NPAS3: variants seen among roughly 807,000 people sequenced by gnomAD.
NPAS3 encodes the protein neuronal PAS domain-containing protein 3.
In NPAS3, 14 loss-of-function variants were observed where a neutral mutation model predicts 73.1. The ratio of observed to expected loss-of-function variants is 0.19; its 90% CI spans 0.13 to 0.30. The LOEUF (loss-of-function observed/expected upper bound fraction) is 0.30, where lower values mean the gene tolerates loss of function less well. NPAS3 is among the 10% of genes least tolerant of loss of function. The pLI, the probability that NPAS3 is intolerant of heterozygous loss-of-function variation, is 1.00. For missense variants in NPAS3, 1,096 were observed against 1,250.0 expected, an observed-to-expected ratio of 0.88 and a Z score of 1.86; for synonymous variants, 620 against 541.5, an observed-to-expected ratio of 1.14 and a Z score of -2.01.
intron 1 of NPAS3, among the ~76,000 whole-genome samples, chr14:32,978,927 C>T (rs951153111): frequency 1.1e-4 from 16 of 152,036 alleles, no homozygotes; most frequent in African/African-American, 2.9e-4. Flanking sequence ...TTTTTAGAGT[C>T]GAGAGGTCAG....
At chr14:33,588,947 A>G (rs990053480) in intron 5 of NPAS3, among the ~76,000 whole-genome samples, 2 of 152,162 alleles carry the variant, frequency 1.3e-5, no homozygotes, top group African/African-American at 4.8e-5. Context: ...TTAAGCTCAC[A>G]AGGTGAATCA....
intron 5 of NPAS3, among the ~76,000 whole-genome samples, chr14:33,624,254 A>G (rs144384984): frequency 2.7e-3 from 406 of 152,328 alleles, no homozygotes; most frequent in African/African-American, 9.4e-3. Context: ...CATGTGACAG[A>G]TACTAGGTGT....
intron 1 of NPAS3, among the ~76,000 whole-genome samples, chr14:32,966,537 A>C (rs577838473): frequency 1.3e-5 from 2 of 152,330 alleles, no homozygotes; most frequent in East Asian, 3.9e-4. Flanking sequence ...CTCACCACTT[A>C]CAAAAATTAA....
chr14:33,483,330 T>A (rs1260285057), intron 4 of NPAS3, among the ~76,000 whole-genome samples: 2 of 152,198 alleles, frequency 1.3e-5, no homozygotes, highest in Non-Finnish European at 2.9e-5. Flanking sequence ...GTTGGGCTGC[T>A]TGTCTCCACC....
chr14:33,382,589 G>GTT (rs2046603638), intron 4 of NPAS3, among the ~76,000 whole-genome samples: 1 of 152,084 alleles, frequency 6.6e-6, no homozygotes, highest in South Asian at 2.1e-4. Flanking sequence ...TTTATAGCTT[G>GTT]TTATATATAA....
At chr14:32,960,848 T>G (rs2036881306) in intron 1 of NPAS3, among the ~76,000 whole-genome samples, 1 of 152,202 alleles carries the variant, frequency 6.6e-6, no homozygotes, top group Non-Finnish European at 1.5e-5. Context: ...TATTCATTCA[T>G]AAGAACCCTG....
intron 4 of NPAS3, among the ~76,000 whole-genome samples, chr14:33,407,140 A>G (rs2047703034): frequency 1.3e-5 from 2 of 152,126 alleles, no homozygotes; most frequent in Admixed American, 6.6e-5. Flanking sequence ...TCAGTAGGTA[A>G]TGCATTTACA....
chr14:33,598,859 G>C (rs2057320901), intron 5 of NPAS3, among the ~76,000 whole-genome samples: 1 of 152,182 alleles, frequency 6.6e-6, no homozygotes, highest in Non-Finnish European at 1.5e-5. Flanking sequence ...TGCAGTGATA[G>C]CTAATGGATT....
At chr14:33,682,075 C>G (rs1329438821) in intron 6 of NPAS3, among the ~76,000 whole-genome samples, 2 of 147,788 alleles carry the variant, frequency 1.4e-5, no homozygotes, top group African/African-American at 2.4e-5. Context: ...TTCCATAGTC[C>G]CCAACTAATA....
At chr14:33,550,391 C>T (rs1000959338) in intron 4 of NPAS3, among the ~76,000 whole-genome samples, 14 of 152,174 alleles carry the variant, frequency 9.2e-5, no homozygotes, top group Admixed American at 9.2e-4. Context: ...TTGAAGGATG[C>T]CATCAAGAGC....
At position 33,584,909 on chromosome 14, in the gene NPAS3, A is replaced by C. The variant is rs145872171; in HGVS notation, c.558+24699A>C. Among the ~76,000 whole-genome samples, 724 of 152,252 alleles carry C rather than the reference A, an allele frequency of 4.8e-3. 6 individuals are homozygous for C. Among genetic ancestry groups the C allele is most frequent in the African/African-American group, 0.017 (695 of 41,564 alleles). ...GCGCACCCTGAGGGTGTAGCTAAAG[A>C]CTTGGTTACCTTGGGTTGATGTAAC... On this transcript the variant is annotated intron_variant, in intron 5 of 11. Transcript: ENST00000356141.
intron 2 of NPAS3, among the ~76,000 whole-genome samples, chr14:33,164,737 G>A (rs961325269): frequency 4.6e-5 from 7 of 152,180 alleles, no homozygotes; most frequent in Non-Finnish European, 5.9e-5. Flanking sequence ...ATGGCCCAGC[G>A]AAGTTGGATA....
At chr14:33,563,796 C>G (rs919350064) in intron 5 of NPAS3, among the ~76,000 whole-genome samples, 2 of 152,064 alleles carry the variant, frequency 1.3e-5, no homozygotes, top group Non-Finnish European at 2.9e-5. Flanking sequence ...GCTCTGCTTT[C>G]TAGCTATAAT....
chr14:33,555,940 A>G (rs1417051119), intron 4 of NPAS3, among the ~76,000 whole-genome samples: 1 of 151,814 alleles, frequency 6.6e-6, no homozygotes, highest in Non-Finnish European at 1.5e-5. Flanking sequence ...ATGACTAACA[A>G]CTAATTTAAC....
chr14:33,039,797 G>A (rs2040291126), intron 1 of NPAS3, among the ~76,000 whole-genome samples: 1 of 152,216 alleles, frequency 6.6e-6, no homozygotes, highest in African/African-American at 2.4e-5. Flanking sequence ...CATGGTACAT[G>A]TGCAGACTGC....
chr14:33,424,455 G>A (rs955761811), intron 4 of NPAS3, among the ~76,000 whole-genome samples: 2 of 151,926 alleles, frequency 1.3e-5, no homozygotes, highest in African/African-American at 4.8e-5. Context: ...GTCAGAGAAG[G>A]AATTAGATGG....
At chr14:33,757,775 A>T (rs1207349747) in intron 7 of NPAS3, among the ~76,000 whole-genome samples, 1 of 152,208 alleles carries the variant, frequency 6.6e-6, no homozygotes, top group East Asian at 1.9e-4. Context: ...GATGAAATGG[A>T]AGCATTCGCA....
rs758320179 is a variant in NPAS3 at position 33,735,350 on chromosome 14, G to A, written c.852+18G>A. On this transcript the variant is annotated intron_variant, in intron 7 of 11. Transcript: ENST00000356141. ...GATATAAGGTAAGCCGGTTCCGGGA[G>A]GGGAGACATTGCTGTCTCAGGCCAG... 3.2e-6 allele frequency: 5 copies of A among 1,554,816 alleles called. No homozygotes were observed. Among genetic ancestry groups the A allele is most frequent in the Non-Finnish European group, 3.6e-6 (4 of 1,126,108 alleles).
intron 1 of NPAS3, among the ~76,000 whole-genome samples, chr14:32,944,859 T>C (rs538687569): frequency 1.3e-5 from 2 of 152,316 alleles, no homozygotes; most frequent in South Asian, 2.1e-4. Context: ...TGAAATACTG[T>C]GGTCTTGTAT....
Sources: allele counts gnomAD v4.1 joint callset (sites outside exome capture counted in the v4.1 genomes callset), GRCh38; gene constraint gnomAD v4.1.1; transcripts MANE v1.5; gene names NCBI Gene and HGNC (gene_info 2026-07-23, HGNC 2026-07-21).